ABCA13: variants seen among roughly 807,000 people sequenced by gnomAD.
ABCA13 encodes the protein ATP-binding cassette sub-family A member 13.
ABCA13 carries 476 observed loss-of-function variants against 478.7 expected under a neutral mutation model. The observed-to-expected ratio is 0.99, with a 90% confidence interval of 0.92 to 1.07. ABCA13 has a LOEUF of 1.07. Ranked by LOEUF, ABCA13 falls within the 50% of genes least tolerant of loss-of-function variation. ABCA13 has a pLI of 0.00. For synonymous variants in ABCA13, 2,252 were observed against 2,158.9 expected, an observed-to-expected ratio of 1.04 and a Z score of -1.20; for missense variants, 6,060 against 5,910.6, an observed-to-expected ratio of 1.03 and a Z score of -0.83.
intron 59 of ABCA13, among the ~76,000 whole-genome samples, chr7:48,632,857 G>A (rs7802150): frequency 0.13 from 19,913 of 152,040 alleles, 1,805 homozygotes; most frequent in African/African-American, 0.23. Flanking sequence ...TAGGAGAACT[G>A]GACAGTCACA....
chr7:48,619,842 T>C (rs1272874099), intron 59 of ABCA13, among the ~76,000 whole-genome samples: 1 of 151,962 alleles, frequency 6.6e-6, no homozygotes, highest in Admixed American at 6.6e-5. Context: ...GCAACATTAC[T>C]CCCCAGACCC....
chr7:48,415,050 T>C (rs1054133198), intron 41 of ABCA13, among the ~76,000 whole-genome samples: 74 of 152,298 alleles, frequency 4.9e-4, no homozygotes, highest in African/African-American at 1.7e-3. Flanking sequence ...AAGCCCCTTT[T>C]CCCCAGATTG....
chr7:48,352,325 A>G lies in ABCA13; in HGVS notation c.10526A>G (p.His3509Arg). 2 of 1,613,772 alleles carry G rather than the reference A, an allele frequency of 1.2e-6. No homozygotes were observed. The highest frequency in any genetic ancestry group is 8.5e-7 in the Non-Finnish European group (1 of 1,179,872). Residue 3509 changes from histidine to arginine, a missense_variant, in exon 31 of 62, where the codon CAC (histidine) becomes CGC (arginine). Coordinates refer to ENST00000435803, the MANE Select transcript of ABCA13 (RefSeq NM_152701.5). ...GTAAAAAACCCTTCTTGGAAGTTCC[A>G]CCCTCAGAATCTACCAGCTGATGGG... ...DVVKNPSWKF[H>R]PQNLPADGFK...
At chr7:48,193,161 A>T (rs1797330024) in intron 2 of ABCA13, 109 bp downstream of exon 2, 3 of 761,154 alleles carry the variant, frequency 3.9e-6, no homozygotes, top group Non-Finnish European at 6.4e-6. Flanking sequence ...AAATGAATAG[A>T]TAGGGTTTCA....
Position 48,181,729 on chromosome 7 carries a change from AT to A in ABCA13, c.69+10185del, listed in dbSNP as rs934915528. 1.1e-3 allele frequency among the ~76,000 whole-genome samples: 167 copies of A among 151,696 alleles called. 1 individual carries two copies. The highest frequency in any genetic ancestry group is 3.8e-3 in the African/African-American group (156 of 41,356). On this transcript the variant is annotated intron_variant, in intron 1 of 61. Transcript: ENST00000435803. ...TACATTTCTGTTTTGTACCAATTTT[AT>A]TTTTTTTAAAGCACTGAAACATCAC...
chr7:48,242,286 G>A (rs1790960146), intron 10 of ABCA13, among the ~76,000 whole-genome samples: 1 of 35,236 alleles, frequency 2.8e-5, no homozygotes, highest in Admixed American at 2.8e-4. Context: ...TACAGAGATG[G>A]GGGGAAGCTG....
chr7:48,303,966 G>A (rs1044978562), intron 23 of ABCA13, among the ~76,000 whole-genome samples: 9 of 151,954 alleles, frequency 5.9e-5, no homozygotes, highest in Non-Finnish European at 1.5e-5. Flanking sequence ...GGGGTGTCTT[G>A]GTAATTTATT....
chr7:48,290,888 G>A (rs1267067096), intron 20 of ABCA13, among the ~76,000 whole-genome samples: 1 of 122,244 alleles, frequency 8.2e-6, no homozygotes, highest in Non-Finnish European at 1.6e-5. Context: ...TACCGAGCCT[G>A]AAATGCCTGG....
chr7:48,174,642 T>C (rs1452050322), intron 1 of ABCA13, among the ~76,000 whole-genome samples: 17 of 152,146 alleles, frequency 1.1e-4, no homozygotes, highest in African/African-American at 3.6e-4. Flanking sequence ...TTATTTATTG[T>C]AAAAACAGTA....
intron 58 of ABCA13, among the ~76,000 whole-genome samples, chr7:48,610,047 C>T (rs924001791): frequency 1.3e-5 from 2 of 152,180 alleles, no homozygotes; most frequent in African/African-American, 2.4e-5. Context: ...CAAGATTCCC[C>T]CATGTCTTAA....
At chr7:48,520,580 T>G (rs1349040043) in intron 53 of ABCA13, among the ~76,000 whole-genome samples, 2 of 152,200 alleles carry the variant, frequency 1.3e-5, no homozygotes, top group East Asian at 3.9e-4. Flanking sequence ...TACTTTAAGT[T>G]CTATGGTACA....
chr7:48,335,369 T>C, intron 27 of ABCA13, 53 bp from the exon 28 acceptor site: 1 of 1,348,468 alleles, frequency 7.4e-7, no homozygotes, highest in Non-Finnish European at 1.0e-6. Flanking sequence ...GGAAGATTTA[T>C]CTTAATATAA....
In ABCA13 at chr7:48,434,865, C is replaced by A. The variant is rs1594761; in HGVS notation, c.12565+6994C>A. 7.8e-4 allele frequency among the ~76,000 whole-genome samples: 119 copies of A among 151,660 alleles called. 1 individual carries two copies. Among genetic ancestry groups the A allele is most frequent in the African/African-American group, 2.8e-3 (114 of 41,430 alleles). ...CTCTATTTTATTCCATTGGTCTTTA[C>A]GTCTGTTTTTGTGCCAGTTCCACAC... is the stretch of plus-strand genomic sequence containing the variant. On this transcript the variant is annotated intron_variant, in intron 42 of 61. Transcript: ENST00000435803.
chr7:48,638,583 A>G (rs1436115439), intron 59 of ABCA13, among the ~76,000 whole-genome samples: 1 of 152,230 alleles, frequency 6.6e-6, no homozygotes, highest in Non-Finnish European at 1.5e-5. Context: ...TAATCCTCAC[A>G]GCCATTCTGA....
chr7:48,251,406 C>A (rs1163531628), intron 15 of ABCA13, among the ~76,000 whole-genome samples: 1 of 152,112 alleles, frequency 6.6e-6, no homozygotes, highest in Admixed American at 6.6e-5. Flanking sequence ...GAGATAGGTA[C>A]CATTATGATT....
At chr7:48,248,539 A>G in intron 14 of ABCA13, 95 bp downstream of exon 14, 1 of 1,030,170 alleles carries the variant, frequency 9.7e-7, no homozygotes, top group East Asian at 2.5e-5. Flanking sequence ...AATATGGTAG[A>G]TTATATTTTG....
intron 3 of ABCA13, among the ~76,000 whole-genome samples, chr7:48,200,558 C>G (rs1049017478): frequency 6.6e-6 from 1 of 152,156 alleles, no homozygotes; most frequent in Non-Finnish European, 1.5e-5. Flanking sequence ...ATTGCAAAGC[C>G]TTTAACTTTG....
Position 48,245,666 on chromosome 7 carries a change from G to A in ABCA13, c.1491+54G>A, listed in dbSNP as rs940207279. 7.1e-6 allele frequency: 11 copies of A among 1,553,754 alleles called. No individual in the cohort carries two copies. In the African/African-American group the frequency reaches 1.1e-4, roughly 16 times the overall value. ...GCATTTTTAATAAAACATTCAAGAAGCTCATGCAATATTCAGTTTTGCTCC... is the reference window on the plus strand; with the variant it reads ...GCATTTTTAATAAAACATTCAAGAAACTCATGCAATATTCAGTTTTGCTCC... On this transcript the variant is annotated intron_variant, in intron 12 of 61. Transcript: ENST00000435803.
At chr7:48,484,323 A>G (rs1191747371) in intron 47 of ABCA13, among the ~76,000 whole-genome samples, 1 of 152,190 alleles carries the variant, frequency 6.6e-6, no homozygotes, top group Non-Finnish European at 1.5e-5. Flanking sequence ...GTTTGTTCAA[A>G]TCTCTTTTCC....
Sources: gnomAD v4.1 joint callset for allele counts (sites outside exome capture counted in the v4.1 genomes callset) on GRCh38, gnomAD v4.1.1 for gene constraint, MANE v1.5 for transcripts, NCBI Gene and HGNC (gene_info 2026-07-23, HGNC 2026-07-21) for gene names.